UNC13C: variants seen among roughly 807,000 people sequenced by gnomAD.
UNC13C encodes protein unc-13 homolog C.
UNC13C carries 174 observed loss-of-function variants against 245.4 expected under a neutral mutation model. The observed-to-expected ratio is 0.71, with a 90% CI of 0.63 to 0.80. The LOEUF is 0.80. Among genes scored for constraint, UNC13C ranks in the 30% least tolerant of loss-of-function variants. UNC13C has a pLI of 0.00. For synonymous variants in UNC13C, 992 were observed against 895.1 expected (o/e 1.11, Z -1.93); for missense variants, 2,829 against 2,602.9 (o/e 1.09, Z -1.89).
intron 19 of UNC13C, among the ~76,000 whole-genome samples, chr15:54,469,478 T>C (rs2414306): frequency 6.6e-6 from 1 of 151,152 alleles, no homozygotes; most frequent in Non-Finnish European, 1.5e-5. Context: ...TATTCACATG[T>C]CTCTGGTTCC....
At chr15:54,072,251 G>T (rs1481034013) in intron 2 of UNC13C, among the ~76,000 whole-genome samples, 1 of 152,118 alleles carries the variant, frequency 6.6e-6, no homozygotes, top group East Asian at 1.9e-4. Flanking sequence ...GTTATTTCAA[G>T]CTTGTCTGAG....
intron 2 of UNC13C, among the ~76,000 whole-genome samples, chr15:54,067,386 C>T (rs1170181189): frequency 6.6e-6 from 1 of 152,094 alleles, no homozygotes. Flanking sequence ...ATTTAATTAA[C>T]ATCTTATGTT....
At chr15:54,291,064 T>C (rs1298853538) in intron 10 of UNC13C, among the ~76,000 whole-genome samples, 1 of 152,130 alleles carries the variant, frequency 6.6e-6, no homozygotes, top group Non-Finnish European at 1.5e-5. Context: ...GTTGTGTCTT[T>C]GTTTCTACTT....
intron 10 of UNC13C, among the ~76,000 whole-genome samples, chr15:54,273,370 T>C (rs2140904127): frequency 6.6e-6 from 1 of 152,278 alleles, no homozygotes; most frequent in East Asian, 1.9e-4. Context: ...TTCCCCGCTT[T>C]TCCCTTTCCT....
At chr15:54,010,959 T>C (rs1895356888) in intron 1 of UNC13C, among the ~76,000 whole-genome samples, 1 of 152,146 alleles carries the variant, frequency 6.6e-6, no homozygotes, top group Non-Finnish European at 1.5e-5. Flanking sequence ...GTGGAGATAC[T>C]AAGTGGCTGA....
chr15:54,544,653 A>C (rs2141172411), intron 26 of UNC13C, among the ~76,000 whole-genome samples: 1 of 152,298 alleles, frequency 6.6e-6, no homozygotes, highest in East Asian at 1.9e-4. Flanking sequence ...TACACCAATA[A>C]TAGAAAAACA....
intron 2 of UNC13C, among the ~76,000 whole-genome samples, chr15:54,041,113 G>A (rs759600413): frequency 1.2e-4 from 19 of 152,156 alleles, no homozygotes; most frequent in African/African-American, 1.9e-4. Context: ...AATGGATAAC[G>A]TAGAGGAGCT....
chr15:53,863,491 G>T, the UNC13C span, among the ~76,000 whole-genome samples: 1 of 152,258 alleles, frequency 6.6e-6, no homozygotes, highest in Admixed American at 6.5e-5. Flanking sequence ...TTATCATAAT[G>T]ATATTGTTAT....
the UNC13C span, among the ~76,000 whole-genome samples, chr15:53,852,375 T>C: frequency 1.3e-5 from 2 of 152,156 alleles, no homozygotes. Context: ...CCAGGCCTTA[T>C]GTGAGCTCTA....
chr15:54,053,181 ATTTATTT>A (rs3082268), intron 2 of UNC13C, among the ~76,000 whole-genome samples: 55,212 of 150,798 alleles, frequency 0.37, 12,362 homozygotes, highest in Middle Eastern at 0.51. Flanking sequence ...CACCTGGCCA[ATTTATTT>A]TTTATTTTTT....
intron 14 of UNC13C, among the ~76,000 whole-genome samples, chr15:54,325,157 A>G (rs1327279856): frequency 2.0e-5 from 3 of 152,030 alleles, no homozygotes; most frequent in African/African-American, 4.8e-5. Context: ...TCGAGTTTTT[A>G]TGGAAGAGGT....
At chr15:54,021,983 C>T (rs931085199) in intron 2 of UNC13C, among the ~76,000 whole-genome samples, 3 of 152,078 alleles carry the variant, frequency 2.0e-5, no homozygotes, top group African/African-American at 7.2e-5. Context: ...TAGGTGATAC[C>T]ATTTACGTTT....
chr15:54,117,202 A>G (rs934123787), intron 2 of UNC13C, among the ~76,000 whole-genome samples: 34 of 151,996 alleles, frequency 2.2e-4, no homozygotes, highest in African/African-American at 8.0e-4. Flanking sequence ...TAGTTTGCAA[A>G]TATTTTCTTC....
chr15:54,057,108 C>G (rs571919422), intron 2 of UNC13C, among the ~76,000 whole-genome samples: 10 of 152,138 alleles, frequency 6.6e-5, no homozygotes. Context: ...TCACACATAA[C>G]AATACTAATC....
intron 19 of UNC13C, among the ~76,000 whole-genome samples, chr15:54,449,025 C>T (rs148509060): frequency 6.6e-6 from 1 of 152,106 alleles, no homozygotes; most frequent in African/African-American, 2.4e-5. Flanking sequence ...ATTTCTCCTT[C>T]ATTTATGAAG....
chr15:53,934,359 G>T, the UNC13C span, among the ~76,000 whole-genome samples: 1 of 152,190 alleles, frequency 6.6e-6, no homozygotes, highest in African/African-American at 2.4e-5. Context: ...ACTGATGCCA[G>T]ACTCTGTAAT....
intron 30 of UNC13C, among the ~76,000 whole-genome samples, chr15:54,577,122 C>G (rs892668001): frequency 6.6e-6 from 1 of 152,064 alleles, no homozygotes; most frequent in Non-Finnish European, 1.5e-5. Flanking sequence ...ATACTATTCA[C>G]TAATTATCAT....
At chr15:54,228,124 T>G (rs964541326) in intron 4 of UNC13C, among the ~76,000 whole-genome samples, 1 of 152,134 alleles carries the variant, frequency 6.6e-6, no homozygotes, top group African/African-American at 2.4e-5. Flanking sequence ...TCTCTCCCCA[T>G]AGTCACCACT....
At chr15:54,279,836 G>A in intron 10 of UNC13C, among the ~76,000 whole-genome samples, 1 of 152,148 alleles carries the variant, frequency 6.6e-6, no homozygotes, top group African/African-American at 2.4e-5. Flanking sequence ...AAATAGAAAA[G>A]TATTGCATGA....
Sources: allele counts gnomAD v4.1 joint callset (sites outside exome capture counted in the v4.1 genomes callset), GRCh38; gene constraint gnomAD v4.1.1; transcripts MANE v1.5; gene names NCBI Gene and HGNC (gene_info 2026-07-23, HGNC 2026-07-21).